Variants in MBNL2 observed in about 807,000 individuals in gnomAD.
MBNL2 encodes muscleblind like splicing regulator 2.
In MBNL2, 17 loss-of-function variants were observed where a neutral mutation model predicts 41.9. The ratio of observed to expected loss-of-function variants is 0.41; its 90% CI spans 0.28 to 0.61. The LOEUF (loss-of-function observed/expected upper bound fraction) is 0.61. Among genes scored for constraint, MBNL2 ranks in the 20% least tolerant of loss-of-function variants. The pLI is 0.35. For synonymous variants in MBNL2, 195 were observed against 182.9 expected, an observed-to-expected ratio of 1.07 and a Z score of -0.53; for missense variants, 336 against 505.6, an observed-to-expected ratio of 0.66 and a Z score of 3.22.
intron 2 of MBNL2, among the ~76,000 whole-genome samples, chr13:97,328,412 G>C (rs2060094728): frequency 6.6e-6 from 1 of 152,126 alleles, no homozygotes; most frequent in Non-Finnish European, 1.5e-5. Context: ...TGCGTCTAAA[G>C]CACATGCCAT....
the MBNL2 span, among the ~76,000 whole-genome samples, chr13:97,171,679 A>C: frequency 1.3e-5 from 2 of 152,170 alleles, no homozygotes; most frequent in East Asian, 3.9e-4. Flanking sequence ...GCAGTCAGCA[A>C]GTCAAACAGG....
intron 7 of MBNL2, among the ~76,000 whole-genome samples, chr13:97,364,089 G>A (rs549332890): frequency 2.0e-5 from 3 of 152,238 alleles, no homozygotes; most frequent in Non-Finnish European, 2.9e-5. Context: ...ATTCCTCAAA[G>A]CTTTCAATAC....
At chr13:97,188,632 A>G in the MBNL2 span, among the ~76,000 whole-genome samples, 1 of 129,074 alleles carries the variant, frequency 7.7e-6, no homozygotes, top group Non-Finnish European at 1.6e-5. Flanking sequence ...GTGAAAACCC[A>G]GCCAAAAGAG....
Position 97,343,153 on chromosome 13 carries a change from T to C in MBNL2, c.477T>C (p.Ser159=). The change falls in exon 4 of 9, where the codon AGT becomes AGC. Residue 159 remains serine (S), a synonymous_variant. Transcript: ENST00000679496. ...LPTTPVIVPG[S]PPVTVPGSTA... ...CCACGCCTGTTATTGTTCCCGGAAG[T>C]CCACCGGTCACTGTCCCGGGCTCAA... 6.2e-7 allele frequency: 1 copy of C among 1,614,108 alleles called. No individual in the cohort carries two copies. Among genetic ancestry groups the C allele is most frequent in the Non-Finnish European group, 8.5e-7 (1 of 1,179,982 alleles).
intron 3 of MBNL2, among the ~76,000 whole-genome samples, chr13:97,336,912 A>C (rs1163797604): frequency 6.6e-6 from 1 of 152,148 alleles, no homozygotes; most frequent in Non-Finnish European, 1.5e-5. Context: ...AGTACTGTGG[A>C]TATTTCTTCA....
chr13:97,166,830 AGATAGATAGAAAGAT>A, the MBNL2 span, among the ~76,000 whole-genome samples: 2 of 150,952 alleles, frequency 1.3e-5, no homozygotes, highest in Non-Finnish European at 2.9e-5. Context: ...ATAGATAGAT[AGATAGATAGAAAGAT>A]AGATAGAGAT....
the MBNL2 span, among the ~76,000 whole-genome samples, chr13:97,190,100 T>C: frequency 6.6e-6 from 1 of 152,342 alleles, no homozygotes; most frequent in Non-Finnish European, 1.5e-5. Context: ...TGGCTTAGTT[T>C]CCATGTGCTA....
chr13:97,293,997 T>C (rs1187328497), intron 2 of MBNL2, among the ~76,000 whole-genome samples: 2 of 152,130 alleles, frequency 1.3e-5, no homozygotes, highest in African/African-American at 4.8e-5. Flanking sequence ...ATTTATTCTT[T>C]AACATGAATG....
chr13:97,316,941 C>T (rs2059110467), intron 2 of MBNL2, among the ~76,000 whole-genome samples: 1 of 152,166 alleles, frequency 6.6e-6, no homozygotes. Flanking sequence ...CACTGCCTGG[C>T]CCAAGGTAGA....
the MBNL2 span, among the ~76,000 whole-genome samples, chr13:97,170,015 A>C: frequency 6.6e-6 from 1 of 152,194 alleles, no homozygotes. Context: ...ACTTCATCCA[A>C]ACAACCATCA....
intron 3 of MBNL2, among the ~76,000 whole-genome samples, chr13:97,337,079 A>C (rs1486250187): frequency 6.6e-6 from 1 of 152,094 alleles, no homozygotes; most frequent in Non-Finnish European, 1.5e-5. Context: ...CTAACCTCTA[A>C]GGGCCTATGG....
At chr13:97,188,415 G>A in the MBNL2 span, among the ~76,000 whole-genome samples, 1 of 152,124 alleles carries the variant, frequency 6.6e-6, no homozygotes, top group Admixed American at 6.5e-5. Flanking sequence ...GGAGACATTT[G>A]CTGGGAGATA....
rs1005238488 is a variant in MBNL2 at position 97,393,987 on chromosome 13, T to A, written c.*2538T>A. 2 of 152,604 alleles carry A rather than the reference T, an allele frequency of 1.3e-5. No individual in the cohort carries two copies. Among genetic ancestry groups the A allele is most frequent in the African/African-American group, 4.8e-5 (2 of 41,468 alleles). 9.5% of individuals were successfully genotyped at this position (152,604 alleles called of 1,614,324 possible). On this transcript the variant is annotated 3_prime_UTR_variant, in exon 9 of 9. Coordinates refer to ENST00000679496, the MANE Select transcript of MBNL2 (RefSeq NM_001382683.1). ...TTTCTACTAAATCTTTCTGTAACAC[T>A]TAAAGAATTCCCTCATTCATTACCT...
At position 97,267,197 on chromosome 13, in the gene MBNL2, C is replaced by T. The variant is rs1202594763; in HGVS notation, c.-604-8435C>T. Among the ~76,000 whole-genome samples, 4 of 152,192 alleles carry T rather than the reference C, an allele frequency of 2.6e-5. No individual in the cohort carries two copies. The East Asian group carries it at 7.7e-4, about 29-fold the overall frequency. ...GGAATGGAGGGAGGTCGCCTCCTTG[C>T]AGAGTGAAAAGCCAGGCTTTCCAGA... On this transcript the variant is annotated intron_variant, in intron 1 of 8. Transcript: ENST00000679496.
chr13:97,284,640 T>TA (rs1193292159), intron 2 of MBNL2, among the ~76,000 whole-genome samples: 1 of 152,180 alleles, frequency 6.6e-6, no homozygotes, highest in African/African-American at 2.4e-5. Flanking sequence ...CCCATTAATA[T>TA]AATATATACA....
chr13:97,240,365 C>T (rs1420829010), intron 1 of MBNL2, among the ~76,000 whole-genome samples: 1 of 152,148 alleles, frequency 6.6e-6, no homozygotes, highest in Admixed American at 6.5e-5. Context: ...AGTAATAATT[C>T]CCACTTCTTT....
intron 2 of MBNL2, among the ~76,000 whole-genome samples, chr13:97,327,251 G>A (rs1313882795): frequency 6.6e-6 from 1 of 152,066 alleles, no homozygotes; most frequent in East Asian, 1.9e-4. Flanking sequence ...CACTTCTGCT[G>A]AATCTCCTCA....
rs138502237 is a variant in MBNL2, at chr13:97,250,106, G to A, written c.-604-25526G>A. Among the ~76,000 whole-genome samples the A allele has an allele frequency of 1.8e-4, 28 of 152,142 alleles. No homozygotes were observed. The East Asian group carries it at 4.1e-3, about 22-fold the overall frequency. On this transcript the variant is annotated intron_variant, in intron 1 of 8. Transcript: ENST00000679496. ...TTTAATTATTGCTTCTATTTCATTTGTTCTTTATTTCTTTTTTCTCTCCAG... is the reference window on the plus strand; with the variant it reads ...TTTAATTATTGCTTCTATTTCATTTATTCTTTATTTCTTTTTTCTCTCCAG...
At chr13:97,180,441 C>A in the MBNL2 span, among the ~76,000 whole-genome samples, 6 of 151,938 alleles carry the variant, frequency 3.9e-5, no homozygotes, top group Admixed American at 1.3e-4. Context: ...CATTTTTTAT[C>A]AAATGGTGTG....
Sources: gnomAD v4.1 joint callset for allele counts (sites outside exome capture counted in the v4.1 genomes callset) on GRCh38, gnomAD v4.1.1 for gene constraint, MANE v1.5 for transcripts, NCBI Gene and HGNC (gene_info 2026-07-23, HGNC 2026-07-21) for gene names.